The following SRSF12 variants were observed in gnomAD, a reference collection of about 807,000 sequenced individuals.
SRSF12 encodes the protein serine/arginine-rich splicing factor 12.
Under a neutral mutation model 34.1 loss-of-function variants are expected in SRSF12, and 21 were observed. The observed-to-expected ratio is 0.62, with a 90% CI of 0.44 to 0.89. The LOEUF is 0.89. Among genes scored for constraint, SRSF12 ranks in the 40% least tolerant of loss-of-function variants. SRSF12 has a pLI of 0.00. For missense variants in SRSF12, 278 were observed against 327.8 expected (o/e 0.85, Z 1.17); for synonymous variants, 111 against 110.8 (o/e 1.00, Z -0.01).
chr6:89,117,759 T>G (rs572077770), intron 1 of SRSF12, 64 bp downstream of exon 1: 2 of 1,474,250 alleles, frequency 1.4e-6, no homozygotes, highest in African/African-American at 2.9e-5. Flanking sequence ...TCGGCCGTGC[T>G]CCGCGGCGCG....
At chr6:89,117,728 C>T in intron 1 of SRSF12, 95 bp downstream of exon 1, 1 of 1,267,848 alleles carries the variant, frequency 7.9e-7, no homozygotes, top group Non-Finnish European at 1.0e-6. Flanking sequence ...CCGCGCAGCT[C>T]CCCCGAGCCT....
chr6:89,115,276 CTTTCT>C (rs1049372906), intron 1 of SRSF12, among the ~76,000 whole-genome samples: 2 of 151,346 alleles, frequency 1.3e-5, no homozygotes, highest in Non-Finnish European at 3.0e-5. Context: ...CATTTTATAG[CTTTCT>C]TTTATTTATT....
chr6:89,114,145 C>T (rs965903434), intron 1 of SRSF12, among the ~76,000 whole-genome samples: 12 of 152,096 alleles, frequency 7.9e-5, no homozygotes, highest in African/African-American at 2.2e-4. Context: ...AAAGAACATA[C>T]GGCCAGGCGC....
In SRSF12 at chr6:89,117,867, G is replaced by C; in HGVS notation, c.21C>G (p.Pro7=). The C allele has an allele frequency of 6.4e-7, 1 of 1,563,294 alleles. No individual in the cohort carries two copies. The highest frequency in any genetic ancestry group is 1.7e-4 in the Middle Eastern group (1 of 5,930). MSRYTR[P]PNTSLFIRNV... Reference sequence around the variant, plus strand: ...TCCTGATGAACAGGGAGGTGTTGGGGGGCCTCGTGTAGCGAGACATGACCG... The same window carrying C: ...TCCTGATGAACAGGGAGGTGTTGGGCGGCCTCGTGTAGCGAGACATGACCG... Residue 7 remains proline, a synonymous_variant, in exon 1 of 5, where the codon CCC becomes CCG. Transcript: ENST00000452027.
Position 89,097,897 on chromosome 6 carries a change from C to T in SRSF12, c.*681G>A, listed in dbSNP as rs1280576099. The T allele has an allele frequency of 6.6e-6, 1 of 152,102 alleles. No homozygotes were observed. 9.4% of individuals were successfully genotyped at this position (152,102 alleles called of 1,614,324 possible). A position where few individuals can be genotyped will look rare whatever the true frequency, so the allele number is the denominator to read the frequency against. On this transcript the variant is annotated 3_prime_UTR_variant, in exon 5 of 5. Transcript: ENST00000452027. The stretch of plus-strand genomic sequence containing the variant: ...TAATTTTTAAAGAATTAGTCTCAAA[C>T]CATTCAAAATCCAGTATTTCTCAAA...
rs776493313 is a variant in SRSF12 at position 89,098,655 on chromosome 6, T to C, written c.709A>G (p.Lys237Glu). The C allele has an allele frequency of 6.2e-6, 10 of 1,614,038 alleles. No individual in the cohort carries two copies. The highest frequency in any genetic ancestry group is 1.1e-5 in the South Asian group (1 of 91,080). The change falls in exon 5 of 5, where the codon AAA becomes GAA. Residue 237 changes from lysine to glutamate, a missense_variant. Physicochemically the swap from Lys to Glu is moderately conservative, Grantham distance 56. Transcript: ENST00000452027. ...TGAGAATGCTTTGCTGTTTGTACTT[T>C]AGTTTCAGAATTGGTATACCCTTTG... Reference protein sequence around the residue: ...SPKGYTNSETKVQTAKHSHFR... With the variant: ...SPKGYTNSETEVQTAKHSHFR...
At chr6:89,098,989 A>T (rs760248765) in intron 4 of SRSF12, 42 bp from the exon 5 acceptor site, 4 of 1,547,410 alleles carry the variant, frequency 2.6e-6, no homozygotes, top group Non-Finnish European at 3.5e-6. Flanking sequence ...TTCACACAAA[A>T]TAAGAGATCA....
At position 89,117,905 on chromosome 6, in the gene SRSF12, C is replaced by T. The variant is rs777923121; in HGVS notation, c.-18G>A. ...CGAGACATGACCGCTTCCTCCGTTC[C>T]CTCCGGGTCTGCCCGCGGCCGCTGG... On this transcript the variant is annotated 5_prime_UTR_variant, in exon 1 of 5. Coordinates refer to ENST00000452027, the MANE Select transcript of SRSF12 (RefSeq NM_080743.5). The T allele has an allele frequency of 6.4e-7, 1 of 1,557,968 alleles. No homozygotes were observed. The highest frequency in any genetic ancestry group is 1.2e-5 in the South Asian group (1 of 85,540).
intron 4 of SRSF12, among the ~76,000 whole-genome samples, chr6:89,100,185 C>A (rs60185371): frequency 0.063 from 9,549 of 152,092 alleles, 864 homozygotes; most frequent in African/African-American, 0.2. Flanking sequence ...GGAAGAGATT[C>A]CAAGGGACCA....
intron 1 of SRSF12, among the ~76,000 whole-genome samples, chr6:89,111,310 T>C (rs1293357481): frequency 1.3e-5 from 2 of 152,208 alleles, no homozygotes; most frequent in Non-Finnish European, 2.9e-5. Flanking sequence ...TTTGTTATGC[T>C]AGCTTTTAAA....
intron 4 of SRSF12, 48 bp from the exon 5 acceptor site, chr6:89,098,995 G>A (rs145734993): frequency 2.7e-5 from 42 of 1,532,264 alleles, no homozygotes; most frequent in Non-Finnish European, 3.7e-5. Flanking sequence ...CAAAATAAGA[G>A]ATCAGGAAAT....
rs150547147 is a variant in SRSF12 at position 89,117,234 on chromosome 6, A to G, written c.65+589T>C. On this transcript the variant is annotated intron_variant, in intron 1 of 4. Coordinates refer to ENST00000452027, the MANE Select transcript of SRSF12 (RefSeq NM_080743.5). ...GACTCAGAACTTTAAAGAAAAACGC[A>G]CTGATCTCATTCATTGAAGTTATTT... Among the ~76,000 whole-genome samples the G allele has an allele frequency of 2.2e-3, 335 of 152,264 alleles. 1 individual carries two copies. Among genetic ancestry groups the G allele is most frequent in the African/African-American group, 7.0e-3 (291 of 41,554 alleles).
chr6:89,098,987 A>C, intron 4 of SRSF12, 40 bp from the exon 5 acceptor site: 1 of 1,549,408 alleles, frequency 6.5e-7, no homozygotes, highest in South Asian at 1.2e-5. Context: ...ATTTCACACA[A>C]AATAAGAGAT....
intron 1 of SRSF12, among the ~76,000 whole-genome samples, chr6:89,113,139 A>T (rs1012056475): frequency 2.0e-4 from 30 of 152,156 alleles, no homozygotes; most frequent in Non-Finnish European, 3.1e-4. Context: ...TGCTGCATAT[A>T]TAATTTTACA....
At position 89,115,631 on chromosome 6, in the gene SRSF12, CTT is replaced by C. The variant is rs760005395; in HGVS notation, c.65+2190_65+2191del. Among the ~76,000 whole-genome samples the C allele has an allele frequency of 4.6e-3, 599 of 128,892 alleles. 1 individual carries two copies. Among genetic ancestry groups the C allele is most frequent in the African/African-American group, 0.018 (575 of 32,350 alleles). The allele number at this position is 128,892 out of a possible 152,430, so 84.6% of individuals were successfully genotyped here. A position where few individuals can be genotyped will look rare whatever the true frequency, so the allele number is the denominator to read the frequency against. ...ACAAATGGGGTTTTCTTTTTTCTTT[CTT>C]TTTTTTTTTTTTTTTTTTTTGAGAC... On this transcript the variant is annotated intron_variant, in intron 1 of 4. Coordinates refer to ENST00000452027, the MANE Select transcript of SRSF12 (RefSeq NM_080743.5).
At chr6:89,103,143 G>A (rs1768614576) in intron 4 of SRSF12, among the ~76,000 whole-genome samples, 1 of 152,142 alleles carries the variant, frequency 6.6e-6, no homozygotes, top group African/African-American at 2.4e-5. Flanking sequence ...AAGCAGAATA[G>A]CATTGCCCTG....
At position 89,103,991 on chromosome 6, in the gene SRSF12, C is replaced by CTTTTTTTTT. The variant is rs55760020; in HGVS notation, c.416+1119_416+1127dup. Among the ~76,000 whole-genome samples, 37 of 81,962 alleles carry CTTTTTTTTT rather than the reference C, an allele frequency of 4.5e-4. 4 individuals carry two copies. The highest frequency in any genetic ancestry group is 1.6e-3 in the African/African-American group (35 of 21,402). 53.8% of individuals were successfully genotyped at this position (81,962 alleles called of 152,430 possible). ...TTTCACAAGGGATTTTATTATATTT[C>CTTTTTTTTT]TTTTTTTTTTTTTTTTTTTTTTTTT... On this transcript the variant is annotated intron_variant, in intron 4 of 4. Transcript: ENST00000452027.
In SRSF12 at chr6:89,105,216, T is replaced by C. The variant is rs1324926874; in HGVS notation, c.319A>G (p.Ser107Gly). The part of the protein sequence containing the change: ...KSKERHPCSP[S>G]DHRRSRSPSQ... ...GGGCTTCTTGATCTCCTGTGATCAC[T>C]TGGAGAACAAGGATGACGTTCTTTT... Residue 107 changes from serine to glycine, a missense_variant, in exon 4 of 5, where the codon AGT (serine) becomes GGT (glycine). Ser to Gly is a moderately conservative substitution (Grantham distance 56, BLOSUM62 0). Transcript: ENST00000452027. 6.8e-6 allele frequency: 11 copies of C among 1,612,076 alleles called. No homozygotes were observed. The highest frequency in any genetic ancestry group is 4.0e-5 in the African/African-American group (3 of 74,910).
chr6:89,104,962 G>A (rs954558116), intron 4 of SRSF12, among the ~76,000 whole-genome samples, 157 bp downstream of exon 4: 4 of 152,054 alleles, frequency 2.6e-5, no homozygotes, highest in African/African-American at 7.2e-5. Context: ...AGGCTGAGGT[G>A]AGAAAATTGC....
Sources: gnomAD v4.1 joint callset for allele counts (sites outside exome capture counted in the v4.1 genomes callset) on GRCh38, gnomAD v4.1.1 for gene constraint, MANE v1.5 for transcripts, NCBI Gene and HGNC (gene_info 2026-07-23, HGNC 2026-07-21) for gene names.